ADCY8: variants seen among roughly 807,000 people sequenced by gnomAD.
ADCY8 encodes the protein adenylate cyclase type 8.
Under a neutral mutation model 119.7 loss-of-function variants are expected in ADCY8, and 51 were observed. The observed-to-expected ratio is 0.43, with a 90% CI of 0.34 to 0.54. The LOEUF is 0.54. ADCY8 is among the 20% of genes least tolerant of loss of function. The pLI is 0.03. For synonymous variants in ADCY8, 665 were observed against 651.0 expected, an observed-to-expected ratio of 1.02 and a Z score of -0.33; for missense variants, 1,383 against 1,598.8, an observed-to-expected ratio of 0.87 and a Z score of 2.30.
chr8:130,857,692 A>G (rs1817791522), intron 9 of ADCY8, among the ~76,000 whole-genome samples: 1 of 152,192 alleles, frequency 6.6e-6, no homozygotes, highest in South Asian at 2.1e-4. Flanking sequence ...TGTTGATAGC[A>G]TCCTCTGATG....
chr8:130,880,242 G>C (rs1382978003), intron 8 of ADCY8, among the ~76,000 whole-genome samples: 1 of 152,150 alleles, frequency 6.6e-6, no homozygotes, highest in African/African-American at 2.4e-5. Flanking sequence ...TAAGTCTATA[G>C]ATTCACACTC....
intron 2 of ADCY8, among the ~76,000 whole-genome samples, chr8:130,974,954 C>G (rs1421508150): frequency 6.6e-6 from 1 of 152,100 alleles, no homozygotes; most frequent in African/African-American, 2.4e-5. Flanking sequence ...ATCTAGAAGG[C>G]GACATACCTC....
intron 15 of ADCY8, among the ~76,000 whole-genome samples, chr8:130,798,648 G>A (rs1048463146): frequency 2.0e-5 from 3 of 152,164 alleles, no homozygotes; most frequent in Non-Finnish European, 4.4e-5. Context: ...GATTGCTAAT[G>A]GTGAGATGCA....
intron 7 of ADCY8, among the ~76,000 whole-genome samples, chr8:130,886,777 T>C (rs1029328660): frequency 2.0e-5 from 3 of 152,144 alleles, no homozygotes; most frequent in African/African-American, 4.8e-5. Context: ...TTTATTTGTA[T>C]ATGGTTTTCC....
intron 8 of ADCY8, among the ~76,000 whole-genome samples, chr8:130,881,972 G>T (rs1818790527): frequency 6.6e-6 from 1 of 151,960 alleles, no homozygotes; most frequent in African/African-American, 2.4e-5. Context: ...CAGGGTATAG[G>T]CATATGGGTT....
At chr8:130,816,701 A>G (rs1323132745) in intron 13 of ADCY8, among the ~76,000 whole-genome samples, 1 of 152,176 alleles carries the variant, frequency 6.6e-6, no homozygotes, top group Non-Finnish European at 1.5e-5. Flanking sequence ...CTGGGATTAC[A>G]GGCATGAGCC....
intron 2 of ADCY8, among the ~76,000 whole-genome samples, chr8:130,966,588 G>T (rs369524401): frequency 1.3e-5 from 2 of 152,166 alleles, no homozygotes; most frequent in Non-Finnish European, 2.9e-5. Context: ...ACCCTAAAAG[G>T]GGGGAAGCAA....
At chr8:131,001,635 T>C (rs1209035543) in intron 1 of ADCY8, among the ~76,000 whole-genome samples, 4 of 148,682 alleles carry the variant, frequency 2.7e-5, no homozygotes, top group Admixed American at 1.4e-4. Context: ...ATACATTATA[T>C]ATATATACTG....
intron 5 of ADCY8, among the ~76,000 whole-genome samples, chr8:130,912,204 T>C (rs773982597): frequency 6.6e-6 from 1 of 152,170 alleles, no homozygotes; most frequent in Non-Finnish European, 1.5e-5. Flanking sequence ...GAACAGTAAT[T>C]AGGGTGCTGT....
intron 1 of ADCY8, among the ~76,000 whole-genome samples, chr8:131,035,111 C>T (rs1437345018): frequency 6.6e-6 from 1 of 152,086 alleles, no homozygotes; most frequent in Non-Finnish European, 1.5e-5. Flanking sequence ...ATTGGTGATA[C>T]AAACAATTGG....
chr8:130,933,204 G>GGC (rs200283529), intron 5 of ADCY8, among the ~76,000 whole-genome samples: 11 of 98,172 alleles, frequency 1.1e-4, no homozygotes, highest in African/African-American at 6.4e-4. Flanking sequence ...GTAAACAAAT[G>GGC]TTATATTAAC....
intron 1 of ADCY8, among the ~76,000 whole-genome samples, chr8:131,027,650 T>G (rs987835081): frequency 8.5e-5 from 13 of 152,196 alleles, no homozygotes; most frequent in Admixed American, 2.0e-4. Flanking sequence ...GGGGTTGGGC[T>G]GCCTCAATGG....
At chr8:130,980,237 A>G (rs1822198828) in intron 2 of ADCY8, among the ~76,000 whole-genome samples, 1 of 152,224 alleles carries the variant, frequency 6.6e-6, no homozygotes, top group Non-Finnish European at 1.5e-5. Context: ...ACCCTAATCA[A>G]GTGTGATTGC....
intron 1 of ADCY8, among the ~76,000 whole-genome samples, chr8:131,015,147 C>A (rs1248140236): frequency 6.6e-6 from 1 of 152,058 alleles, no homozygotes; most frequent in Non-Finnish European, 1.5e-5. Context: ...TTGGTGAGAG[C>A]AGGAACAACT....
At chr8:130,986,049 C>A (rs1159042892) in intron 2 of ADCY8, among the ~76,000 whole-genome samples, 1 of 152,056 alleles carries the variant, frequency 6.6e-6, no homozygotes, top group African/African-American at 2.4e-5. Flanking sequence ...TAAATATGGG[C>A]CATTTGCATC....
At chr8:130,830,934 G>A (rs1315449620) in intron 12 of ADCY8, among the ~76,000 whole-genome samples, 2 of 152,202 alleles carry the variant, frequency 1.3e-5, no homozygotes, top group African/African-American at 2.4e-5. Flanking sequence ...AAGTCAACAA[G>A]GTGTAGGTAG....
intron 2 of ADCY8, among the ~76,000 whole-genome samples, chr8:130,962,878 T>C (rs939579157): frequency 1.3e-5 from 2 of 152,220 alleles, no homozygotes; most frequent in African/African-American, 4.8e-5. Context: ...AGACTTGTTC[T>C]GGAGTTACAA....
At chr8:130,870,945 A>G (rs565472857) in intron 8 of ADCY8, among the ~76,000 whole-genome samples, 1 of 152,296 alleles carries the variant, frequency 6.6e-6, no homozygotes, top group African/African-American at 2.4e-5. Context: ...GCGTTAATGT[A>G]GTTCATAAGT....
At chr8:130,852,046 G>GGGCT in intron 9 of ADCY8, among the ~76,000 whole-genome samples, 1 of 152,286 alleles carries the variant, frequency 6.6e-6, no homozygotes, top group African/African-American at 2.4e-5. Context: ...GGATGCTAAT[G>GGGCT]GGCTGGAAGA....
Sources: gnomAD v4.1 joint callset for allele counts (sites outside exome capture counted in the v4.1 genomes callset) on GRCh38, gnomAD v4.1.1 for gene constraint, MANE v1.5 for transcripts, NCBI Gene and HGNC (gene_info 2026-07-23, HGNC 2026-07-21) for gene names.